Variants in DEPTOR observed in about 807,000 individuals in gnomAD.
DEPTOR encodes the protein DEP domain-containing mTOR-interacting protein.
A neutral mutation model predicts 41.6 loss-of-function variants in DEPTOR; 41 were observed. The observed-to-expected ratio is 0.98, with a 90% confidence interval of 0.77 to 1.28. The LOEUF (loss-of-function observed/expected upper bound fraction) is 1.28, where lower values mean the gene tolerates loss of function less well. DEPTOR is among the 50% of genes most tolerant of loss of function. DEPTOR has a pLI of 0.00. For missense variants in DEPTOR, 514 were observed against 527.9 expected, an observed-to-expected ratio of 0.97 and a Z score of 0.26; for synonymous variants, 195 against 192.3, an observed-to-expected ratio of 1.01 and a Z score of -0.12.
intron 8 of DEPTOR, among the ~76,000 whole-genome samples, chr8:120,014,799 A>C (rs1378264613): frequency 6.6e-6 from 1 of 152,142 alleles, no homozygotes; most frequent in African/African-American, 2.4e-5. Context: ...CTGAGATTAC[A>C]GGCGTAAACC....
chr8:119,918,455 TTTA>T (rs1329511529), intron 1 of DEPTOR, among the ~76,000 whole-genome samples: 1 of 93,692 alleles, frequency 1.1e-5, no homozygotes, highest in African/African-American at 5.5e-5. Context: ...TATTTATTTA[TTTA>T]TTTATTTATT....
intron 4 of DEPTOR, among the ~76,000 whole-genome samples, chr8:119,976,854 C>T (rs1450008173): frequency 6.6e-6 from 1 of 152,120 alleles, no homozygotes; most frequent in Non-Finnish European, 1.5e-5. Context: ...TCCACCCTCC[C>T]CCCGCACACC....
intron 3 of DEPTOR, among the ~76,000 whole-genome samples, chr8:119,950,238 C>A (rs1324982791): frequency 1.3e-5 from 2 of 151,982 alleles, no homozygotes; most frequent in African/African-American, 4.8e-5. Flanking sequence ...ATATAAAACA[C>A]CTTGGTTGAA....
intron 3 of DEPTOR, among the ~76,000 whole-genome samples, chr8:119,935,383 C>T (rs1563970083): frequency 6.6e-6 from 1 of 152,132 alleles, no homozygotes; most frequent in African/African-American, 2.4e-5. Context: ...GTTTTGAGTG[C>T]ATGTTCCCCA....
intron 4 of DEPTOR, among the ~76,000 whole-genome samples, chr8:119,988,958 C>CTTTTTTTTTTTTTTT (rs71571643): frequency 7.5e-5 from 7 of 93,922 alleles, no homozygotes; most frequent in Admixed American, 1.6e-4. Context: ...TTTTTTTTTT[C>CTTTTTTTTTTTTTTT]TTTTTTTTTT....
intron 1 of DEPTOR, among the ~76,000 whole-genome samples, chr8:119,900,349 A>C (rs921233988): frequency 5.0e-5 from 5 of 100,120 alleles, no homozygotes; most frequent in East Asian, 9.5e-4. Context: ...AAAAAAAAAA[A>C]AAAACTAAAT....
chr8:120,003,944 C>T (rs1388088892), intron 6 of DEPTOR, among the ~76,000 whole-genome samples: 1 of 152,214 alleles, frequency 6.6e-6, no homozygotes, highest in African/African-American at 2.4e-5. Flanking sequence ...ACTACAGTAA[C>T]CGCCAGAGAA....
At chr8:119,989,355 G>A (rs1828869933) in intron 4 of DEPTOR, among the ~76,000 whole-genome samples, 1 of 152,034 alleles carries the variant, frequency 6.6e-6, no homozygotes, top group Non-Finnish European at 1.5e-5. Context: ...TCTGTAACCT[G>A]GAAACAGGAA....
At chr8:119,940,679 G>T (rs1353496913) in intron 3 of DEPTOR, among the ~76,000 whole-genome samples, 1 of 152,144 alleles carries the variant, frequency 6.6e-6, no homozygotes, top group Non-Finnish European at 1.5e-5. Flanking sequence ...CCGGGAGGTT[G>T]CAGTGAGCCG....
chr8:120,013,937 T>G (rs1244748012), intron 8 of DEPTOR, among the ~76,000 whole-genome samples: 1 of 151,834 alleles, frequency 6.6e-6, no homozygotes, highest in Non-Finnish European at 1.5e-5. Context: ...CATCCTGGGT[T>G]CAAGCGATTC....
At chr8:119,937,977 G>A (rs1828135026) in intron 3 of DEPTOR, among the ~76,000 whole-genome samples, 1 of 152,164 alleles carries the variant, frequency 6.6e-6, no homozygotes, top group Admixed American at 6.6e-5. Context: ...AATCTGCCCT[G>A]TTGCTCCAGA....
chr8:120,034,175 T>C (rs1400779214), intron 8 of DEPTOR, among the ~76,000 whole-genome samples: 5 of 151,956 alleles, frequency 3.3e-5, no homozygotes, highest in Admixed American at 6.6e-5. Context: ...GGTTGCTCCA[T>C]GCTCAGTCCT....
At chr8:119,958,220 G>A (rs1723499990) in intron 3 of DEPTOR, among the ~76,000 whole-genome samples, 1 of 152,150 alleles carries the variant, frequency 6.6e-6, no homozygotes, top group South Asian at 2.1e-4. Flanking sequence ...GGTCAGCTGG[G>A]CTGGAAGGTC....
intron 3 of DEPTOR, among the ~76,000 whole-genome samples, chr8:119,959,396 T>A (rs1370485590): frequency 6.6e-6 from 1 of 151,976 alleles, no homozygotes; most frequent in Non-Finnish European, 1.5e-5. Context: ...TTCCTGACCT[T>A]GTGATCCACC....
chr8:119,929,229 A>G (rs556046457), intron 2 of DEPTOR, among the ~76,000 whole-genome samples: 6 of 152,216 alleles, frequency 3.9e-5, no homozygotes, highest in African/African-American at 1.2e-4. Flanking sequence ...ACCTTTGCAC[A>G]TGCCATCGTT....
At chr8:119,939,123 C>T (rs1563971003) in intron 3 of DEPTOR, among the ~76,000 whole-genome samples, 1 of 152,156 alleles carries the variant, frequency 6.6e-6, no homozygotes, top group East Asian at 1.9e-4. Flanking sequence ...TAAATTTCAA[C>T]AAAAAGTTTA....
intron 4 of DEPTOR, among the ~76,000 whole-genome samples, chr8:119,988,947 CTTTTTTTTTTCTTTTTTTTT>C (rs1342110145): frequency 8.7e-6 from 1 of 115,404 alleles, no homozygotes; most frequent in Non-Finnish European, 1.8e-5. Context: ...TAGCCATATC[CTTTTTTTTTTCTTTTTTTTT>C]TTTTTTTTTT....
At chr8:119,910,090 T>C (rs1362143467) in intron 1 of DEPTOR, among the ~76,000 whole-genome samples, 1 of 152,222 alleles carries the variant, frequency 6.6e-6, no homozygotes, top group Non-Finnish European at 1.5e-5. Context: ...TGTATGTAGA[T>C]ATATGAAATT....
intron 4 of DEPTOR, among the ~76,000 whole-genome samples, chr8:119,966,188 G>C (rs868748713): frequency 6.6e-6 from 1 of 152,088 alleles, no homozygotes; most frequent in Non-Finnish European, 1.5e-5. Flanking sequence ...TTCCAAGTCC[G>C]GCACGGTGGC....
Sources: gnomAD v4.1 joint callset for allele counts (sites outside exome capture counted in the v4.1 genomes callset) on GRCh38, gnomAD v4.1.1 for gene constraint, MANE v1.5 for transcripts, NCBI Gene and HGNC (gene_info 2026-07-23, HGNC 2026-07-21) for gene names.